The following RAB6B variants were observed in gnomAD, a reference collection of about 807,000 sequenced individuals.
RAB6B encodes the protein ras-related protein Rab-6B.
Under a neutral mutation model 31.2 loss-of-function variants are expected in RAB6B, and 7 were observed. The ratio of observed to expected loss-of-function variants is 0.22; its 90% confidence interval spans 0.13 to 0.42. RAB6B has a LOEUF of 0.42. RAB6B is among the 10% of genes least tolerant of loss of function. The pLI is 1.00. For missense variants in RAB6B, 149 were observed against 280.6 expected (o/e 0.53, Z 3.35); for synonymous variants, 105 against 104.9 (o/e 1.00, Z -0.01).
chr3:133,830,857 C>T (rs778359941), intron 7 of RAB6B, among the ~76,000 whole-genome samples: 9 of 152,188 alleles, frequency 5.9e-5, no homozygotes, highest in South Asian at 2.1e-4. Context: ...GTCCTGTGCA[C>T]GGAGGATGTT....
intron 1 of RAB6B, among the ~76,000 whole-genome samples, chr3:133,889,577 G>C (rs1936609132): frequency 6.6e-6 from 1 of 151,558 alleles, no homozygotes; most frequent in South Asian, 2.1e-4. Context: ...TGGGATTATA[G>C]GCATGCGCCA....
At chr3:133,877,729 AAT>A (rs1426615193) in intron 1 of RAB6B, among the ~76,000 whole-genome samples, 1 of 149,252 alleles carries the variant, frequency 6.7e-6, no homozygotes, top group African/African-American at 2.4e-5. Context: ...GATATTAAGA[AAT>A]AGTTATTATA....
At chr3:133,889,435 T>C (rs1936604298) in intron 1 of RAB6B, among the ~76,000 whole-genome samples, 1 of 114,520 alleles carries the variant, frequency 8.7e-6, no homozygotes, top group Admixed American at 8.5e-5. Context: ...TATATATATA[T>C]ATATATATAT....
intron 1 of RAB6B, among the ~76,000 whole-genome samples, chr3:133,895,155 C>T (rs1936690132): frequency 6.6e-6 from 1 of 152,168 alleles, no homozygotes. Context: ...CCTGCACCCA[C>T]ACCCCGGGCC....
At position 133,826,900 on chromosome 3, in the gene RAB6B, G is replaced by GTGTT. The variant is rs1161591434; in HGVS notation, c.*1884_*1887dup. ...TGAGCACATGTATCTCCGTGAGGAT[G>GTGTT]TGTTTGTGGAAGGTGTATACACAAG... On this transcript the variant is annotated 3_prime_UTR_variant, in exon 8 of 8. Coordinates refer to ENST00000285208, the MANE Select transcript of RAB6B (RefSeq NM_016577.4). 1 of 152,670 alleles carries GTGTT rather than the reference G, an allele frequency of 6.6e-6. No individual in the cohort carries two copies. The highest frequency in any genetic ancestry group is 1.5e-5 in the Non-Finnish European group (1 of 68,048). 9.5% of individuals were successfully genotyped at this position (152,670 alleles called of 1,614,324 possible).
intron 2 of RAB6B, among the ~76,000 whole-genome samples, chr3:133,846,784 G>A (rs1226495861): frequency 2.6e-5 from 4 of 152,274 alleles, no homozygotes; most frequent in Non-Finnish European, 2.9e-5. Flanking sequence ...AGGGAACAAC[G>A]TCTCTAAACT....
intron 1 of RAB6B, among the ~76,000 whole-genome samples, chr3:133,870,709 A>G (rs1472380882): frequency 6.6e-6 from 1 of 152,268 alleles, no homozygotes; most frequent in East Asian, 1.9e-4. Context: ...GAGCAAAAGC[A>G]CAAATGCCAG....
Position 133,895,387 on chromosome 3 carries a change from G to C in RAB6B, c.70+10C>G. On this transcript the variant is annotated intron_variant, in intron 1 of 7. Transcript: ENST00000285208. ...CGGCGACAAGCCAAGAGATTAAGCC[G>C]GGTACTTACCGCTCTGCTCCCCCAA... is the stretch of plus-strand genomic sequence containing the variant. The C allele has an allele frequency of 1.2e-6, 2 of 1,610,276 alleles. No individual in the cohort carries two copies. Among genetic ancestry groups the C allele is most frequent in the Admixed American group, 1.7e-5 (1 of 59,504 alleles).
chr3:133,869,236 G>A (rs1281189550), intron 1 of RAB6B, among the ~76,000 whole-genome samples: 1 of 152,250 alleles, frequency 6.6e-6, no homozygotes, highest in African/African-American at 2.4e-5. Context: ...CACACTTGGA[G>A]GCCCCTCAGA....
intron 7 of RAB6B, among the ~76,000 whole-genome samples, 160 bp from the exon 8 acceptor site, chr3:133,829,012 C>T (rs1935617211): frequency 1.3e-5 from 2 of 152,190 alleles, no homozygotes; most frequent in Non-Finnish European, 2.9e-5. Context: ...ATACCAACTC[C>T]ACCTTGCCTC....
rs1935574525 is a variant in RAB6B, at chr3:133,826,936, T to C, written c.*1852A>G. ...AGGTGTATACACAAGTCTATCTCTATATATAATTATGTACACACATATAAA... is the reference window on the plus strand; with the variant it reads ...AGGTGTATACACAAGTCTATCTCTACATATAATTATGTACACACATATAAA... On this transcript the variant is annotated 3_prime_UTR_variant, in exon 8 of 8. Transcript: ENST00000285208. 1 of 152,702 alleles carries C rather than the reference T, an allele frequency of 6.5e-6. No individual in the cohort carries two copies. The highest frequency in any genetic ancestry group is 6.5e-5 in the Admixed American group (1 of 15,292). The allele number at this position is 152,702 out of a possible 1,614,324, so 9.5% of individuals were successfully genotyped here.
At chr3:133,872,740 C>T (rs577627138) in intron 1 of RAB6B, among the ~76,000 whole-genome samples, 5 of 152,366 alleles carry the variant, frequency 3.3e-5, no homozygotes, top group Admixed American at 3.3e-4. Flanking sequence ...ACGTGAAAAA[C>T]CCCATTTCAA....
chr3:133,854,068 T>C (rs910147404), intron 2 of RAB6B, among the ~76,000 whole-genome samples: 1 of 152,206 alleles, frequency 6.6e-6, no homozygotes, highest in African/African-American at 2.4e-5. Flanking sequence ...AAGCCTCTCA[T>C]AAGGCACACT....
chr3:133,862,747 T>G (rs985760872), intron 2 of RAB6B, among the ~76,000 whole-genome samples: 1 of 152,064 alleles, frequency 6.6e-6, no homozygotes, highest in Admixed American at 6.6e-5. Flanking sequence ...TTGAATGACA[T>G]GGGGAGGAGA....
At chr3:133,880,134 T>G (rs1161913358) in intron 1 of RAB6B, among the ~76,000 whole-genome samples, 1 of 152,208 alleles carries the variant, frequency 6.6e-6, no homozygotes, top group Admixed American at 6.5e-5. Flanking sequence ...ATCTGATCTT[T>G]GACAAGGCTA....
chr3:133,895,332 G>C, intron 1 of RAB6B, 65 bp downstream of exon 1: 2 of 1,542,522 alleles, frequency 1.3e-6, no homozygotes, highest in African/African-American at 2.7e-5. Context: ...GGTCCCAATG[G>C]GGTGGGCGAT....
In RAB6B at chr3:133,895,842, C is replaced by A. The variant is rs1936706282; in HGVS notation, c.-376G>T. On this transcript the variant is annotated 5_prime_UTR_variant, in exon 1 of 8. Transcript: ENST00000285208. Reference sequence around the variant, plus strand: ...CGCTCTCCAGAGCCGCGCCAGTCGGCCCCCTCCCGCCTGCCTCCTCCGCCG... The same window carrying A: ...CGCTCTCCAGAGCCGCGCCAGTCGGACCCCTCCCGCCTGCCTCCTCCGCCG... 4.8e-6 allele frequency: 1 copy of A among 208,114 alleles called. No individual in the cohort carries two copies. The highest frequency in any genetic ancestry group is 9.5e-6 in the Non-Finnish European group (1 of 104,868). 12.9% of individuals were successfully genotyped at this position (208,114 alleles called of 1,614,324 possible). A position where few individuals can be genotyped will look rare whatever the true frequency, so the allele number is the denominator to read the frequency against.
intron 2 of RAB6B, among the ~76,000 whole-genome samples, chr3:133,842,767 T>A (rs968993686): frequency 1.1e-4 from 17 of 152,268 alleles, no homozygotes; most frequent in African/African-American, 3.9e-4. Flanking sequence ...GTTAATAGCA[T>A]CACGGTCTGA....
chr3:133,852,288 A>G (rs541133862), intron 2 of RAB6B, among the ~76,000 whole-genome samples: 306 of 152,236 alleles, frequency 2.0e-3, no homozygotes, highest in African/African-American at 7.2e-3. Context: ...GGATGGTTTT[A>G]GCAGCAAGTA....
Sources: gnomAD v4.1 joint callset for allele counts (sites outside exome capture counted in the v4.1 genomes callset) on GRCh38, gnomAD v4.1.1 for gene constraint, MANE v1.5 for transcripts, NCBI Gene and HGNC (gene_info 2026-07-23, HGNC 2026-07-21) for gene names.